The following ACCSL variants were observed in gnomAD, a reference collection of about 807,000 sequenced individuals.
ACCSL encodes 1-aminocyclopropane-1-carboxylate synthase homolog (inactive) like, also known as probable inactive 1-aminocyclopropane-1-carboxylate synthase-like protein 2.
In ACCSL, 55 loss-of-function variants were observed where a neutral mutation model predicts 61.7. That is an observed-to-expected ratio of 0.89 (90% CI 0.72 to 1.12). ACCSL has a LOEUF of 1.12. ACCSL is among the 50% of genes most tolerant of loss of function. The probability of loss-of-function intolerance (pLI) is 0.00; values close to 1 mark genes in which losing one functional copy is unlikely to be tolerated. For synonymous variants in ACCSL, 258 were observed against 264.3 expected, an observed-to-expected ratio of 0.98 and a Z score of 0.23; for missense variants, 632 against 698.0, an observed-to-expected ratio of 0.91 and a Z score of 1.07.
chr11:43,927,978 G>T, the ACCSL span, among the ~76,000 whole-genome samples: 22 of 152,166 alleles, frequency 1.4e-4, no homozygotes, highest in Non-Finnish European at 2.9e-4. Flanking sequence ...TCAATAATAA[G>T]GTGAAAGTGG....
At chr11:44,006,914 C>CT in the ACCSL span, among the ~76,000 whole-genome samples, 44 of 152,260 alleles carry the variant, frequency 2.9e-4, no homozygotes, top group Admixed American at 3.3e-4. Context: ...CGATGTTCTC[C>CT]TCCCCGCGGT....
chr11:44,050,454 T>C, intron 2 of ACCSL, 98 bp from the exon 3 acceptor site: 1 of 1,025,974 alleles, frequency 9.7e-7, no homozygotes, highest in African/African-American at 1.6e-5. Flanking sequence ...TAGGAGGTCA[T>C]GTATGTGGAG....
At chr11:44,039,726 G>C in the ACCSL span, among the ~76,000 whole-genome samples, 2 of 152,208 alleles carry the variant, frequency 1.3e-5, no homozygotes, top group South Asian at 4.1e-4. Context: ...TACTGATGTG[G>C]AGCCCAGGCA....
the ACCSL span, among the ~76,000 whole-genome samples, chr11:44,026,324 A>G: frequency 6.6e-6 from 1 of 151,942 alleles, no homozygotes; most frequent in South Asian, 2.1e-4. Context: ...CCTCTAATAC[A>G]CTGTTCAGTT....
chr11:44,023,778 T>C, the ACCSL span, among the ~76,000 whole-genome samples: 1 of 152,178 alleles, frequency 6.6e-6, no homozygotes, highest in Non-Finnish European at 1.5e-5. Flanking sequence ...AAAATATAAA[T>C]GTTTATAGTT....
At chr11:43,949,196 C>T in the ACCSL span, among the ~76,000 whole-genome samples, 1 of 152,216 alleles carries the variant, frequency 6.6e-6, no homozygotes, top group Non-Finnish European at 1.5e-5. Context: ...AGAACCTGGG[C>T]TGGCACCCCC....
At chr11:44,036,885 G>A in the ACCSL span, among the ~76,000 whole-genome samples, 2 of 152,230 alleles carry the variant, frequency 1.3e-5, no homozygotes, top group South Asian at 4.1e-4. Flanking sequence ...TCCTTGATGG[G>A]TTGGGGACCT....
At chr11:43,970,906 A>G in the ACCSL span, among the ~76,000 whole-genome samples, 3 of 152,214 alleles carry the variant, frequency 2.0e-5, no homozygotes, top group Non-Finnish European at 4.4e-5. Context: ...TGCCAATCCT[A>G]GTTGCTAGCA....
At chr11:44,049,184 C>G (rs141629869) in intron 1 of ACCSL, among the ~76,000 whole-genome samples, 42 of 152,092 alleles carry the variant, frequency 2.8e-4, no homozygotes, top group Middle Eastern at 3.4e-3. Flanking sequence ...CTTTGGGAGG[C>G]CAAGGTTGGT....
At chr11:44,027,955 A>G in the ACCSL span, among the ~76,000 whole-genome samples, 3 of 152,214 alleles carry the variant, frequency 2.0e-5, no homozygotes, top group Non-Finnish European at 4.4e-5. Flanking sequence ...ACTTGAGGCC[A>G]GGAGTGTGAG....
At chr11:43,996,853 C>G in the ACCSL span, among the ~76,000 whole-genome samples, 1 of 151,216 alleles carries the variant, frequency 6.6e-6, no homozygotes, top group Non-Finnish European at 1.5e-5. Flanking sequence ...CGCTCTGTCA[C>G]CCAGGCTAAA....
the ACCSL span, among the ~76,000 whole-genome samples, chr11:44,012,092 G>T: frequency 1.3e-5 from 2 of 152,008 alleles, no homozygotes; most frequent in African/African-American, 2.4e-5. Flanking sequence ...TCTCCTGGAT[G>T]ATCCTCTGGA....
the ACCSL span, among the ~76,000 whole-genome samples, chr11:43,998,221 G>T: frequency 6.6e-6 from 1 of 152,198 alleles, no homozygotes; most frequent in South Asian, 2.1e-4. Context: ...CGACATGAAT[G>T]CTGATGCCCT....
the ACCSL span, among the ~76,000 whole-genome samples, chr11:44,026,323 C>T: frequency 1.3e-5 from 2 of 152,148 alleles, no homozygotes; most frequent in African/African-American, 2.4e-5. Flanking sequence ...CCCTCTAATA[C>T]ACTGTTCAGT....
the ACCSL span, among the ~76,000 whole-genome samples, chr11:43,967,333 A>T: frequency 2.0e-5 from 3 of 151,752 alleles, no homozygotes; most frequent in African/African-American, 7.2e-5. Flanking sequence ...ACCTGTCACC[A>T]TGCCCAGATA....
chr11:43,929,359 A>G, the ACCSL span, among the ~76,000 whole-genome samples: 5 of 152,172 alleles, frequency 3.3e-5, no homozygotes, highest in Non-Finnish European at 5.9e-5. Context: ...AGCTGGGACT[A>G]TAGGCACATG....
At chr11:43,923,034 A>G in the ACCSL span, among the ~76,000 whole-genome samples, 1 of 152,206 alleles carries the variant, frequency 6.6e-6, no homozygotes, top group Non-Finnish European at 1.5e-5. Context: ...GTCACAGCTA[A>G]TAAACCTGCC....
the ACCSL span, among the ~76,000 whole-genome samples, chr11:43,926,043 C>T: frequency 6.6e-6 from 1 of 152,138 alleles, no homozygotes; most frequent in Admixed American, 6.5e-5. Context: ...CCCTGGTGCC[C>T]TCGTGTCTGT....
chr11:44,035,532 C>T, the ACCSL span, among the ~76,000 whole-genome samples: 1 of 152,058 alleles, frequency 6.6e-6, no homozygotes, highest in Non-Finnish European at 1.5e-5. Context: ...CCACCATGGG[C>T]TTAAGGGAGA....
Sources: gnomAD v4.1 joint callset for allele counts (sites outside exome capture counted in the v4.1 genomes callset) on GRCh38, gnomAD v4.1.1 for gene constraint, MANE v1.5 for transcripts, NCBI Gene and HGNC (gene_info 2026-07-23, HGNC 2026-07-21) for gene names.